The following LTBP1 variants were observed in gnomAD, a reference collection of about 807,000 sequenced individuals.
LTBP1 encodes the protein latent-transforming growth factor beta-binding protein 1.
In LTBP1, 129 loss-of-function variants were observed where a neutral mutation model predicts 207.6. The ratio of observed to expected loss-of-function variants is 0.62; its 90% CI spans 0.54 to 0.72. The LOEUF is 0.72. LTBP1 is among the 30% of genes least tolerant of loss of function. The pLI, the probability that LTBP1 is intolerant of heterozygous loss-of-function variation, is 0.00. For synonymous variants in LTBP1, 963 were observed against 833.7 expected, an observed-to-expected ratio of 1.16 and a Z score of -2.67; for missense variants, 2,281 against 2,217.2, an observed-to-expected ratio of 1.03 and a Z score of -0.58.
chr2:32,986,197 G>A (rs979053964), intron 2 of LTBP1, among the ~76,000 whole-genome samples: 20 of 152,066 alleles, frequency 1.3e-4, no homozygotes, highest in African/African-American at 4.1e-4. Flanking sequence ...TGGGAAATCC[G>A]GGCTCTTAGC....
At chr2:33,302,099 C>T (rs2093997804) in intron 22 of LTBP1, among the ~76,000 whole-genome samples, 1 of 152,186 alleles carries the variant, frequency 6.6e-6, no homozygotes, top group Non-Finnish European at 1.5e-5. Flanking sequence ...TGTCCAGTAT[C>T]GTGCAGTCAT....
chr2:33,250,229 C>T (rs563591479), intron 10 of LTBP1, among the ~76,000 whole-genome samples: 1 of 152,206 alleles, frequency 6.6e-6, no homozygotes, highest in South Asian at 2.1e-4. Flanking sequence ...AAATGGCACA[C>T]CCTGTCAGGT....
chr2:33,194,520 C>T (rs564398943), intron 7 of LTBP1, among the ~76,000 whole-genome samples: 8 of 152,304 alleles, frequency 5.3e-5, no homozygotes, highest in Admixed American at 2.6e-4. Flanking sequence ...TAGAACCAGC[C>T]ACAACATTCT....
chr2:33,344,551 T>C (rs1270753921), intron 25 of LTBP1, among the ~76,000 whole-genome samples: 1 of 152,182 alleles, frequency 6.6e-6, no homozygotes, highest in African/African-American at 2.4e-5. Flanking sequence ...TTTTTCTCAC[T>C]CGTTCTTGAA....
At chr2:33,158,643 C>T (rs907307658) in intron 5 of LTBP1, among the ~76,000 whole-genome samples, 4 of 152,096 alleles carry the variant, frequency 2.6e-5, no homozygotes, top group African/African-American at 4.8e-5. Context: ...TTGTGGTTGT[C>T]GAAGGAGGCA....
chr2:33,219,821 A>G (rs2090979400), intron 8 of LTBP1, among the ~76,000 whole-genome samples: 1 of 151,960 alleles, frequency 6.6e-6, no homozygotes, highest in African/African-American at 2.4e-5. Context: ...CAGGGATGTG[A>G]TAGACATTAA....
chr2:33,221,739 G>A (rs971201812), intron 8 of LTBP1, among the ~76,000 whole-genome samples: 1 of 152,258 alleles, frequency 6.6e-6, no homozygotes, highest in Non-Finnish European at 1.5e-5. Flanking sequence ...CAATGGATAA[G>A]AAAATCCAAA....
chr2:33,184,072 G>T (rs1233541875), intron 5 of LTBP1, among the ~76,000 whole-genome samples: 1 of 151,966 alleles, frequency 6.6e-6, no homozygotes, highest in Admixed American at 6.6e-5. Flanking sequence ...TTACGTTACT[G>T]CATGTTTCTT....
At chr2:33,350,055 A>T (rs1402692037) in intron 26 of LTBP1, among the ~76,000 whole-genome samples, 1 of 152,252 alleles carries the variant, frequency 6.6e-6, no homozygotes, top group Non-Finnish European at 1.5e-5. Context: ...TACCCTGTCC[A>T]GTAAAAGAAT....
At chr2:33,124,405 G>A (rs947465957) in intron 4 of LTBP1, among the ~76,000 whole-genome samples, 25 of 150,740 alleles carry the variant, frequency 1.7e-4, no homozygotes, top group South Asian at 6.3e-4. Flanking sequence ...ACAAGACTCC[G>A]TCTCAAAAAA....
chr2:33,197,701 G>C (rs535200417), intron 7 of LTBP1, among the ~76,000 whole-genome samples: 1 of 152,284 alleles, frequency 6.6e-6, no homozygotes, highest in South Asian at 2.1e-4. Context: ...CAAACATGTA[G>C]TGACCTAGTT....
chr2:33,398,313 T>G, intron 33 of LTBP1, 51 bp from the exon 34 acceptor site: 1 of 1,562,534 alleles, frequency 6.4e-7, no homozygotes, highest in Non-Finnish European at 8.7e-7. Context: ...TTATGTGTCC[T>G]CACAGAATAA....
intron 7 of LTBP1, among the ~76,000 whole-genome samples, chr2:33,194,846 G>T (rs1226757300): frequency 1.3e-5 from 2 of 152,190 alleles, no homozygotes; most frequent in Non-Finnish European, 2.9e-5. Context: ...GGACAGGCTG[G>T]CTCTCTTGTT....
intron 5 of LTBP1, among the ~76,000 whole-genome samples, chr2:33,143,500 A>G (rs1164101563): frequency 6.6e-6 from 1 of 152,214 alleles, no homozygotes; most frequent in African/African-American, 2.4e-5. Flanking sequence ...TGAGAAGACT[A>G]TGTTAGAGTT....
intron 26 of LTBP1, among the ~76,000 whole-genome samples, chr2:33,353,866 T>C (rs2094817842): frequency 6.6e-6 from 1 of 151,178 alleles, no homozygotes; most frequent in South Asian, 2.1e-4. Flanking sequence ...ACGCCTTTTT[T>C]TTTTTTTTTT....
intron 31 of LTBP1, among the ~76,000 whole-genome samples, chr2:33,379,200 T>A (rs1201953722): frequency 7.9e-6 from 1 of 126,172 alleles, no homozygotes; most frequent in Non-Finnish European, 1.8e-5. Context: ...CCATTGCTTT[T>A]TTTTTTTTTT....
chr2:33,078,202 G>T (rs2078188159), intron 3 of LTBP1, among the ~76,000 whole-genome samples: 1 of 152,204 alleles, frequency 6.6e-6, no homozygotes, highest in South Asian at 2.1e-4. Flanking sequence ...GTTAATCACA[G>T]AGCCAATATT....
At chr2:33,292,830 T>C (rs1298610545) in intron 19 of LTBP1, among the ~76,000 whole-genome samples, 2 of 152,226 alleles carry the variant, frequency 1.3e-5, no homozygotes, top group African/African-American at 4.8e-5. Context: ...TTTGGTTCTT[T>C]GGAAAATGCT....
chr2:33,373,707 T>C (rs1574063127), intron 31 of LTBP1, among the ~76,000 whole-genome samples: 1 of 152,306 alleles, frequency 6.6e-6, no homozygotes, highest in East Asian at 1.9e-4. Flanking sequence ...CTTACCTGTT[T>C]TCAGTTTTAG....
Sources: allele counts gnomAD v4.1 joint callset (sites outside exome capture counted in the v4.1 genomes callset), GRCh38; gene constraint gnomAD v4.1.1; transcripts MANE v1.5; gene names NCBI Gene and HGNC (gene_info 2026-07-23, HGNC 2026-07-21).